Variants in CTIF observed in about 807,000 individuals in gnomAD.
CTIF encodes cap binding complex dependent translation initiation factor.
In CTIF, 21 loss-of-function variants were observed where a neutral mutation model predicts 66.0. The ratio of observed to expected loss-of-function variants is 0.32; its 90% CI spans 0.23 to 0.46. CTIF has a LOEUF of 0.46. Ranked by LOEUF, CTIF falls within the 20% of genes least tolerant of loss-of-function variation. The pLI is 1.00. For missense variants in CTIF, 739 were observed against 812.7 expected (o/e 0.91, Z 1.10); for synonymous variants, 345 against 326.4 (o/e 1.06, Z -0.62).
At chr18:48,586,218 G>A (rs371429628) in intron 1 of CTIF, among the ~76,000 whole-genome samples, 179 of 152,106 alleles carry the variant, frequency 1.2e-3, no homozygotes, top group African/African-American at 4.1e-3. Flanking sequence ...TACCGTTAGC[G>A]GACAGAGAGC....
At chr18:48,571,042 T>C (rs1401719136) in intron 1 of CTIF, among the ~76,000 whole-genome samples, 1 of 152,212 alleles carries the variant, frequency 6.6e-6, no homozygotes, top group Non-Finnish European at 1.5e-5. Context: ...GTTACATGAA[T>C]TTCACTTTAA....
At chr18:48,708,112 G>T (rs2092181495) in intron 6 of CTIF, among the ~76,000 whole-genome samples, 1 of 152,166 alleles carries the variant, frequency 6.6e-6, no homozygotes, top group African/African-American at 2.4e-5. Context: ...TATTTATCCA[G>T]TCATCAGTGG....
At chr18:48,549,336 G>A (rs1001304411) in intron 1 of CTIF, among the ~76,000 whole-genome samples, 3 of 152,190 alleles carry the variant, frequency 2.0e-5, no homozygotes, top group Non-Finnish European at 4.4e-5. Flanking sequence ...TTGGGGATTG[G>A]GGTGGAAGTA....
At position 48,860,178 on chromosome 18, in the gene CTIF, C is replaced by A; in HGVS notation, c.*619C>A. 2.8e-6 allele frequency: 1 copy of A among 353,826 alleles called. No individual in the cohort carries two copies. Among genetic ancestry groups the A allele is most frequent in the Middle Eastern group, 1.0e-3 (1 of 972 alleles). The allele number at this position is 353,826 out of a possible 1,614,324, so 21.9% of individuals were successfully genotyped here. A position where few individuals can be genotyped will look rare whatever the true frequency, so the allele number is the denominator to read the frequency against. Reference sequence around the variant, plus strand: ...TCCAAGTCCTCCTCACTGCAGCCCCCACAGCCTCAGGCCTAGGGGGTCAGG... The same window carrying A: ...TCCAAGTCCTCCTCACTGCAGCCCCAACAGCCTCAGGCCTAGGGGGTCAGG... On this transcript the variant is annotated 3_prime_UTR_variant, in exon 12 of 12. Coordinates refer to ENST00000256413, the MANE Select transcript of CTIF (RefSeq NM_014772.3).
At chr18:48,694,422 G>C (rs749502507) in intron 6 of CTIF, among the ~76,000 whole-genome samples, 3 of 152,216 alleles carry the variant, frequency 2.0e-5, no homozygotes, top group African/African-American at 7.2e-5. Context: ...AGCGCCTAAA[G>C]ACTGAGCTTC....
chr18:48,671,735 C>A (rs1023827918), intron 6 of CTIF, among the ~76,000 whole-genome samples: 1 of 151,522 alleles, frequency 6.6e-6, no homozygotes, highest in African/African-American at 2.4e-5. Context: ...TTCCCTCAAC[C>A]CTGGGGTTCC....
chr18:48,658,344 T>C (rs1218008595), intron 3 of CTIF, among the ~76,000 whole-genome samples: 1 of 152,072 alleles, frequency 6.6e-6, no homozygotes, highest in African/African-American at 2.4e-5. Flanking sequence ...AATATGCATG[T>C]AGCATGTGAT....
intron 5 of CTIF, among the ~76,000 whole-genome samples, chr18:48,665,798 C>T (rs2091426856): frequency 6.6e-6 from 1 of 152,224 alleles, no homozygotes; most frequent in African/African-American, 2.4e-5. Context: ...TAGCATGTAG[C>T]AGAACTTTAT....
chr18:48,550,191 C>T (rs574672403), intron 1 of CTIF, among the ~76,000 whole-genome samples: 1 of 152,312 alleles, frequency 6.6e-6, no homozygotes, highest in South Asian at 2.1e-4. Context: ...CCTCCACTTT[C>T]CCGACACTGG....
chr18:48,604,350 G>A (rs1037906898), intron 1 of CTIF, among the ~76,000 whole-genome samples: 1 of 149,840 alleles, frequency 6.7e-6, no homozygotes, highest in African/African-American at 2.5e-5. Context: ...CTAATTTTTT[G>A]TATATTTTTA....
At chr18:48,783,094 C>CCCTT (rs1465996461) in intron 9 of CTIF, among the ~76,000 whole-genome samples, 1 of 152,174 alleles carries the variant, frequency 6.6e-6, no homozygotes, top group South Asian at 2.1e-4. Context: ...TACTGTCCCT[C>CCCTT]CCTTCCTATC....
rs543666076 is a variant in CTIF, at chr18:48,596,662, G to A, written c.-28-22876G>A. On this transcript the variant is annotated intron_variant, in intron 1 of 11. Coordinates refer to ENST00000256413, the MANE Select transcript of CTIF (RefSeq NM_014772.3). ...CTGGCTAATTTTTTGTATTTTAGTAGAGATTGGGTTTCACTGTGTTAGCCA... is the reference window on the plus strand; with the variant it reads ...CTGGCTAATTTTTTGTATTTTAGTAAAGATTGGGTTTCACTGTGTTAGCCA... Among the ~76,000 whole-genome samples, 440 of 152,114 alleles carry A rather than the reference G, an allele frequency of 2.9e-3. 2 individuals are homozygous for A. Among genetic ancestry groups the A allele is most frequent in the Non-Finnish European group, 5.0e-3 (337 of 67,972 alleles).
intron 7 of CTIF, among the ~76,000 whole-genome samples, chr18:48,747,461 C>T (rs934616822): frequency 1.3e-5 from 2 of 152,182 alleles, no homozygotes; most frequent in Non-Finnish European, 2.9e-5. Context: ...GGTGGCGGCC[C>T]ACATGCAGCT....
At chr18:48,722,633 C>G (rs573978413) in intron 7 of CTIF, among the ~76,000 whole-genome samples, 2 of 151,452 alleles carry the variant, frequency 1.3e-5, no homozygotes, top group Non-Finnish European at 2.9e-5. Context: ...TACTCATCGG[C>G]ACTCACAGGT....
At chr18:48,556,600 T>C (rs1208732508) in intron 1 of CTIF, among the ~76,000 whole-genome samples, 1 of 152,154 alleles carries the variant, frequency 6.6e-6, no homozygotes, top group Non-Finnish European at 1.5e-5. Flanking sequence ...AGTCTCACCC[T>C]GTTGCCCAGG....
chr18:48,626,000 C>CTTTTTTTTTTTTTTTTTTTTTTTTTT (rs74174709), intron 2 of CTIF, among the ~76,000 whole-genome samples: 3 of 109,174 alleles, frequency 2.7e-5, no homozygotes, highest in African/African-American at 7.8e-5. Context: ...CTTTTTCTTT[C>CTTTTTTTTTTTTTTTTTTTTTTTTTT]TTTTTTTTTT....
chr18:48,805,014 A>C (rs1599079003), intron 9 of CTIF, among the ~76,000 whole-genome samples: 1 of 152,198 alleles, frequency 6.6e-6, no homozygotes, highest in African/African-American at 2.4e-5. Flanking sequence ...GAGGTGGCTT[A>C]ACATTGCTAA....
intron 7 of CTIF, among the ~76,000 whole-genome samples, chr18:48,732,546 C>T (rs2092465748): frequency 6.6e-6 from 1 of 152,206 alleles, no homozygotes; most frequent in East Asian, 1.9e-4. Context: ...AAGCCGTCCC[C>T]TTCTATGGGA....
At chr18:48,594,168 C>T (rs1332816827) in intron 1 of CTIF, among the ~76,000 whole-genome samples, 1 of 151,898 alleles carries the variant, frequency 6.6e-6, no homozygotes, top group Non-Finnish European at 1.5e-5. Flanking sequence ...TCCGGCGGGT[C>T]CTGGGGGATG....
Sources: allele counts gnomAD v4.1 joint callset (sites outside exome capture counted in the v4.1 genomes callset), GRCh38; gene constraint gnomAD v4.1.1; transcripts MANE v1.5; gene names NCBI Gene and HGNC (gene_info 2026-07-23, HGNC 2026-07-21).